The following RANBP17 variants were observed in gnomAD, a reference collection of about 807,000 sequenced individuals.
RANBP17 encodes the protein ran-binding protein 17.
RANBP17 carries 158 observed loss-of-function variants against 141.2 expected under a neutral mutation model. The observed-to-expected ratio is 1.12, with a 90% CI of 0.98 to 1.28. The LOEUF (loss-of-function observed/expected upper bound fraction) is 1.28, where lower values mean the gene tolerates loss of function less well. Ranked by LOEUF, RANBP17 falls within the 50% of genes most tolerant of loss-of-function variation. The pLI, the probability that RANBP17 is intolerant of heterozygous loss-of-function variation, is 0.00. For missense variants in RANBP17, 1,438 were observed against 1,290.7 expected (o/e 1.11, Z -1.75); for synonymous variants, 430 against 450.0 (o/e 0.96, Z 0.56).
At chr5:170,970,213 G>C (rs936162767) in intron 14 of RANBP17, among the ~76,000 whole-genome samples, 1 of 151,810 alleles carries the variant, frequency 6.6e-6, no homozygotes, top group African/African-American at 2.4e-5. Flanking sequence ...AAGGAAGAGT[G>C]AGTGGAACAT....
At chr5:170,957,141 A>T (rs190255343) in intron 13 of RANBP17, among the ~76,000 whole-genome samples, 1 of 151,830 alleles carries the variant, frequency 6.6e-6, no homozygotes, top group East Asian at 1.9e-4. Flanking sequence ...GAGAAAACGT[A>T]TATTAGGAAA....
intron 14 of RANBP17, among the ~76,000 whole-genome samples, chr5:171,008,881 T>C (rs1296446809): frequency 6.6e-6 from 1 of 152,220 alleles, no homozygotes; most frequent in African/African-American, 2.4e-5. Flanking sequence ...ATGTACCACC[T>C]TTCTTTACTG....
At chr5:170,864,907 T>C (rs1041837207) in intron 1 of RANBP17, among the ~76,000 whole-genome samples, 2 of 152,224 alleles carry the variant, frequency 1.3e-5, no homozygotes, top group African/African-American at 2.4e-5. Context: ...AAGATCCGTA[T>C]GGTCTTTTAT....
chr5:171,212,717 A>G (rs913186556), intron 20 of RANBP17, among the ~76,000 whole-genome samples: 1 of 152,224 alleles, frequency 6.6e-6, no homozygotes, highest in South Asian at 2.1e-4. Flanking sequence ...AAAGACAAGT[A>G]TGTTGGAAAA....
Position 170,918,775 on chromosome 5 carries a change from T to C in RANBP17, c.1017T>C (p.Asn339=), listed in dbSNP as rs111722331. 6.2e-7 allele frequency: 1 copy of C among 1,607,556 alleles called. No individual in the cohort carries two copies. The highest frequency in any genetic ancestry group is 1.1e-5 in the South Asian group (1 of 90,374). ...GATTTTTGGCTCGTTTAAAGACAAA[T>C]TATCAGCTGGGAGAATTAGTTATGG... is the stretch of plus-strand genomic sequence containing the variant. The part of the protein sequence containing the change: ...FCRFLARLKT[N]YQLGELVMVK... Residue 339 remains asparagine (N), a synonymous_variant, in exon 10 of 28, where the codon AAT becomes AAC. Coordinates refer to ENST00000523189, the MANE Select transcript of RANBP17 (RefSeq NM_022897.5).
At chr5:171,268,650 T>C (rs549694614) in intron 25 of RANBP17, among the ~76,000 whole-genome samples, 1 of 150,828 alleles carries the variant, frequency 6.6e-6, no homozygotes, top group Non-Finnish European at 1.5e-5. Context: ...TTAAAGCATG[T>C]CCACACTGAA....
intron 16 of RANBP17, among the ~76,000 whole-genome samples, chr5:171,180,633 A>G (rs1321194241): frequency 1.3e-5 from 2 of 152,258 alleles, no homozygotes; most frequent in South Asian, 4.1e-4. Flanking sequence ...TTAACATTAC[A>G]GACCCACTTA....
At chr5:171,290,145 G>T (rs1768397472) in intron 25 of RANBP17, among the ~76,000 whole-genome samples, 1 of 151,846 alleles carries the variant, frequency 6.6e-6, no homozygotes, top group Non-Finnish European at 1.5e-5. Context: ...GAGGCAGGTG[G>T]ATCACGAGGT....
intron 14 of RANBP17, among the ~76,000 whole-genome samples, chr5:171,131,885 T>G (rs1756946067): frequency 1.3e-5 from 2 of 152,220 alleles, no homozygotes; most frequent in Non-Finnish European, 2.9e-5. Flanking sequence ...TCTCATTAGA[T>G]TGAACCTAGT....
intron 14 of RANBP17, among the ~76,000 whole-genome samples, chr5:171,003,971 G>A (rs913990780): frequency 6.6e-6 from 1 of 152,200 alleles, no homozygotes; most frequent in Non-Finnish European, 1.5e-5. Context: ...AAAACAATTT[G>A]GTTGATAAGG....
At chr5:171,173,485 G>A (rs1283214788) in intron 16 of RANBP17, among the ~76,000 whole-genome samples, 1 of 151,870 alleles carries the variant, frequency 6.6e-6, no homozygotes, top group Non-Finnish European at 1.5e-5. Context: ...TTTATTTATA[G>A]TACATGTCTT....
intron 14 of RANBP17, among the ~76,000 whole-genome samples, chr5:171,098,243 A>C (rs1786845932): frequency 6.6e-6 from 1 of 151,764 alleles, no homozygotes; most frequent in Non-Finnish European, 1.5e-5. Flanking sequence ...ATTAATTTAC[A>C]CTCTCACTAA....
intron 14 of RANBP17, among the ~76,000 whole-genome samples, chr5:171,067,949 G>A (rs1362690051): frequency 6.6e-6 from 1 of 151,948 alleles, no homozygotes; most frequent in Non-Finnish European, 1.5e-5. Flanking sequence ...TTTTCATTTC[G>A]TTATTTCTTC....
chr5:171,010,159 G>A (rs1458037752), intron 14 of RANBP17, among the ~76,000 whole-genome samples: 3 of 152,110 alleles, frequency 2.0e-5, no homozygotes, highest in South Asian at 4.1e-4. Flanking sequence ...GAAACCCAGA[G>A]GCAATGAAGG....
intron 14 of RANBP17, among the ~76,000 whole-genome samples, chr5:171,073,360 T>C (rs535865107): frequency 1.3e-5 from 2 of 152,312 alleles, no homozygotes; most frequent in South Asian, 4.1e-4. Context: ...CATTGAACTC[T>C]AGTTGGTAAA....
chr5:171,298,713 GAGGCTTTGCCTCATTACTA>G (rs1349992446), intron 27 of RANBP17, 30 bp from the exon 28 acceptor site: 1 of 1,453,312 alleles, frequency 6.9e-7, no homozygotes, highest in African/African-American at 1.4e-5. Context: ...GAAATTCATG[GAGGCTTTGCCTCATTACTA>G]CCCTTGACCC....
chr5:170,956,862 G>A (rs1220519408), intron 13 of RANBP17, among the ~76,000 whole-genome samples: 2 of 151,788 alleles, frequency 1.3e-5, no homozygotes, highest in Admixed American at 1.3e-4. Context: ...ACGAGGTCAG[G>A]AGATCGAGAC....
At chr5:170,868,417 T>TTTGTTGTTGTTGTTGTTGTTG (rs371693546) in intron 1 of RANBP17, among the ~76,000 whole-genome samples, 1 of 151,510 alleles carries the variant, frequency 6.6e-6, no homozygotes, top group African/African-American at 2.4e-5. Context: ...CCTGGCTGAT[T>TTTGTTGTTGTTGTTGTTGTTG]TTGTTGTTGT....
chr5:171,156,873 A>G (rs2127846068), intron 14 of RANBP17, among the ~76,000 whole-genome samples: 1 of 152,274 alleles, frequency 6.6e-6, no homozygotes, highest in South Asian at 2.1e-4. Flanking sequence ...TGTTTATCGA[A>G]AACAGTCTTT....
Sources: gnomAD v4.1 joint callset for allele counts (sites outside exome capture counted in the v4.1 genomes callset) on GRCh38, gnomAD v4.1.1 for gene constraint, MANE v1.5 for transcripts, NCBI Gene and HGNC (gene_info 2026-07-23, HGNC 2026-07-21) for gene names.